The following GPC5 variants were observed in gnomAD, a reference collection of about 807,000 sequenced individuals.
GPC5 encodes the protein glypican 5.
GPC5 carries 47 observed loss-of-function variants against 53.9 expected under a neutral mutation model. The ratio of observed to expected loss-of-function variants is 0.87; its 90% CI spans 0.69 to 1.11. GPC5 has a LOEUF of 1.11. Among genes scored for constraint, GPC5 ranks in the 50% most tolerant of loss-of-function variants. The probability of loss-of-function intolerance (pLI) is 0.00; values close to 1 mark genes in which losing one functional copy is unlikely to be tolerated. For synonymous variants in GPC5, 286 were observed against 263.3 expected (o/e 1.09, Z -0.84); for missense variants, 748 against 713.1 (o/e 1.05, Z -0.56).
chr13:92,491,746 A>G (rs1404410958), intron 7 of GPC5, among the ~76,000 whole-genome samples: 1 of 152,168 alleles, frequency 6.6e-6, no homozygotes, highest in Non-Finnish European at 1.5e-5. Flanking sequence ...TAAGCAGTAC[A>G]TGCCCAAACT....
At chr13:92,546,381 A>G (rs1401332543) in intron 7 of GPC5, among the ~76,000 whole-genome samples, 1 of 152,170 alleles carries the variant, frequency 6.6e-6, no homozygotes, top group Non-Finnish European at 1.5e-5. Flanking sequence ...TAACAGACAC[A>G]CAGAGAGCCA....
chr13:92,264,395 C>T (rs1232119081), intron 7 of GPC5, among the ~76,000 whole-genome samples: 1 of 152,100 alleles, frequency 6.6e-6, no homozygotes, highest in Non-Finnish European at 1.5e-5. Context: ...CAGCATTTAG[C>T]ACCATATTTT....
At chr13:92,398,788 T>C (rs949583460) in intron 7 of GPC5, among the ~76,000 whole-genome samples, 1 of 152,190 alleles carries the variant, frequency 6.6e-6, no homozygotes, top group Non-Finnish European at 1.5e-5. Context: ...GGTACAACCA[T>C]AGTTGCAGTT....
intron 7 of GPC5, among the ~76,000 whole-genome samples, chr13:92,682,468 T>C (rs1275288420): frequency 6.6e-6 from 1 of 152,232 alleles, no homozygotes; most frequent in Admixed American, 6.5e-5. Flanking sequence ...GAGCACATGT[T>C]ATTATAATCT....
chr13:91,619,470 G>A (rs2033793756), intron 2 of GPC5, among the ~76,000 whole-genome samples: 1 of 152,076 alleles, frequency 6.6e-6, no homozygotes, highest in African/African-American at 2.4e-5. Context: ...ATTAGAATTT[G>A]CTTTGGTCTG....
At position 92,500,858 on chromosome 13, in the gene GPC5, T is replaced by C. The variant is rs184952573; in HGVS notation, c.1561+355869T>C. Among the ~76,000 whole-genome samples, 38 of 152,278 alleles carry C rather than the reference T, an allele frequency of 2.5e-4. 1 individual carries two copies. In the East Asian group the frequency reaches 5.4e-3, roughly 22 times the overall value. On this transcript the variant is annotated intron_variant, in intron 7 of 7. Transcript: ENST00000377067. ...AGAGTTAGATAAATAAATCCGCTGC[T>C]TTCTGGATAAAAGACCAAAAAAGGG...
intron 7 of GPC5, among the ~76,000 whole-genome samples, chr13:92,346,279 T>G (rs1425616415): frequency 1.3e-5 from 2 of 152,132 alleles, no homozygotes; most frequent in Non-Finnish European, 2.9e-5. Context: ...CCCTTAGCCC[T>G]GCTCAACTGC....
chr13:91,581,801 ACC>A (rs2032371738), intron 2 of GPC5, among the ~76,000 whole-genome samples: 1 of 152,032 alleles, frequency 6.6e-6, no homozygotes, highest in African/African-American at 2.4e-5. Context: ...TCACACACAC[ACC>A]CACACACACA....
intron 7 of GPC5, among the ~76,000 whole-genome samples, chr13:92,763,314 G>C (rs1024159997): frequency 6.6e-6 from 1 of 152,094 alleles, no homozygotes; most frequent in African/African-American, 2.4e-5. Flanking sequence ...GGAAGGCCAT[G>C]GTGGCTGATT....
intron 6 of GPC5, among the ~76,000 whole-genome samples, chr13:92,112,107 A>G (rs1433877259): frequency 1.3e-5 from 2 of 152,178 alleles, no homozygotes; most frequent in African/African-American, 2.4e-5. Flanking sequence ...GTGTTACACA[A>G]AGAGTTTGAG....
At chr13:91,508,008 A>G (rs1324901974) in intron 2 of GPC5, among the ~76,000 whole-genome samples, 1 of 152,212 alleles carries the variant, frequency 6.6e-6, no homozygotes, top group Non-Finnish European at 1.5e-5. Context: ...ACTCCTTAGA[A>G]AATGTCTTGA....
At chr13:91,973,354 A>G (rs935777456) in intron 6 of GPC5, among the ~76,000 whole-genome samples, 3 of 152,200 alleles carry the variant, frequency 2.0e-5, no homozygotes, top group Non-Finnish European at 4.4e-5. Flanking sequence ...TAGTTATTCT[A>G]GTCATCCATT....
chr13:92,332,622 G>T (rs573284809), intron 7 of GPC5, among the ~76,000 whole-genome samples: 318 of 152,258 alleles, frequency 2.1e-3, no homozygotes, highest in African/African-American at 7.3e-3. Flanking sequence ...TATTAATGCT[G>T]TTAATATAGA....
chr13:91,526,881 A>G (rs1024101311), intron 2 of GPC5, among the ~76,000 whole-genome samples: 3 of 152,144 alleles, frequency 2.0e-5, no homozygotes, highest in Non-Finnish European at 4.4e-5. Flanking sequence ...GCACAGGGGA[A>G]ATTGACACTT....
chr13:91,399,319 C>A, intron 1 of GPC5, 110 bp downstream of exon 1: 1 of 1,297,954 alleles, frequency 7.7e-7, no homozygotes, highest in Non-Finnish European at 1.0e-6. Context: ...GGCCCTGCAG[C>A]CGCGCAGGGT....
chr13:92,269,271 C>A (rs1247902198), intron 7 of GPC5, among the ~76,000 whole-genome samples: 1 of 151,910 alleles, frequency 6.6e-6, no homozygotes, highest in East Asian at 1.9e-4. Context: ...AATTGAAATA[C>A]CCCAATTTTT....
rs145002647 is a variant in GPC5 at position 92,216,295 on chromosome 13, C to T, written c.1561+71306C>T. On this transcript the variant is annotated intron_variant, in intron 7 of 7. Transcript: ENST00000377067. ...CAGCCTAGATTCTAGTTGTTTGCCT[C>T]ACAGAAAGCCCATTGACACAATGAG... Among the ~76,000 whole-genome samples the T allele has an allele frequency of 8.9e-4, 135 of 152,266 alleles. 1 individual carries two copies. The highest frequency in any genetic ancestry group is 6.8e-3 in the Middle Eastern group (2 of 294).
intron 2 of GPC5, among the ~76,000 whole-genome samples, chr13:91,619,873 T>C (rs1046718890): frequency 2.6e-5 from 4 of 152,118 alleles, no homozygotes; most frequent in African/African-American, 7.2e-5. Flanking sequence ...ACTTAATATT[T>C]AGGGCTTTAT....
At chr13:92,804,416 A>G (rs186838297) in intron 7 of GPC5, among the ~76,000 whole-genome samples, 7 of 152,088 alleles carry the variant, frequency 4.6e-5, no homozygotes, top group African/African-American at 1.7e-4. Context: ...TAGTCATAAG[A>G]TATTTTCGGT....
Sources: gnomAD v4.1 joint callset for allele counts (sites outside exome capture counted in the v4.1 genomes callset) on GRCh38, gnomAD v4.1.1 for gene constraint, MANE v1.5 for transcripts, NCBI Gene and HGNC (gene_info 2026-07-23, HGNC 2026-07-21) for gene names.